SELPLG: variants seen among roughly 807,000 people sequenced by gnomAD.
SELPLG encodes the protein P-selectin glycoprotein ligand 1.
Under a neutral mutation model 1.1 loss-of-function variants are expected in SELPLG, and 2 were observed. That is an observed-to-expected ratio of 1.82 (90% CI 0.74 to 5.71). The LOEUF is 5.71. Among genes scored for constraint, SELPLG ranks in the 30% most tolerant of loss-of-function variants. SELPLG has a pLI of 0.05. For missense variants in SELPLG, 478 were observed against 524.7 expected (o/e 0.91, Z 0.87); for synonymous variants, 230 against 221.2 (o/e 1.04, Z -0.35).
chr12:108,627,341 G>C (rs1333350401), intron 1 of SELPLG, among the ~76,000 whole-genome samples: 1 of 152,180 alleles, frequency 6.6e-6, no homozygotes, highest in Non-Finnish European at 1.5e-5. Context: ...AGAAGGCTGG[G>C]CTTGTGGACT....
In SELPLG at chr12:108,622,952, C is replaced by T; in HGVS notation, c.*117G>A. On this transcript the variant is annotated 3_prime_UTR_variant, in exon 2 of 2. Coordinates refer to ENST00000550948, the MANE Select transcript of SELPLG (RefSeq NM_003006.4). ...GGCCAGAGTTCCTTCCCTGAAGATCCCCATCCCCAGGGGTCTCCGAGGAAG... is the reference window on the plus strand; with the variant it reads ...GGCCAGAGTTCCTTCCCTGAAGATCTCCATCCCCAGGGGTCTCCGAGGAAG... 1 of 1,121,536 alleles carries T rather than the reference C, an allele frequency of 8.9e-7. No homozygotes were observed. The highest frequency in any genetic ancestry group is 2.0e-5 in the South Asian group (1 of 50,550). The allele number at this position is 1,121,536 out of a possible 1,614,324, so 69.5% of individuals were successfully genotyped here.
At chr12:108,632,389 G>GGGGTGTGT (rs1011943938) in intron 1 of SELPLG, among the ~76,000 whole-genome samples, 5 of 144,614 alleles carry the variant, frequency 3.5e-5, no homozygotes, top group African/African-American at 1.3e-4. Flanking sequence ...GACAATATGG[G>GGGGTGTGT]GTGTGTGTGT....
intron 1 of SELPLG, chr12:108,631,881 A>G: frequency 6.5e-7 from 1 of 1,535,558 alleles, no homozygotes; most frequent in South Asian, 1.2e-5. Flanking sequence ...CTCCTTCTAG[A>G]CCACTGGCCC....
At chr12:108,627,772 C>T (rs2031963401) in intron 1 of SELPLG, among the ~76,000 whole-genome samples, 2 of 152,036 alleles carry the variant, frequency 1.3e-5, no homozygotes, top group Admixed American at 6.5e-5. Context: ...ATCCCCATCT[C>T]GACACAAATA....
chr12:108,624,231 T>G lies in SELPLG; in HGVS notation c.77A>C (p.Asp26Ala), dbSNP rs1228625334. 6.2e-7 allele frequency: 1 copy of G among 1,614,216 alleles called. No homozygotes were observed. The highest frequency in any genetic ancestry group is 1.1e-5 in the South Asian group (1 of 91,088). The change falls in exon 2 of 2, where the codon GAT (aspartate) becomes GCT (alanine). Residue 26 changes from aspartate (D) to alanine (A), a missense_variant. By Grantham distance (126) the Asp-to-Ala change is moderately radical. Coordinates refer to ENST00000550948, the MANE Select transcript of SELPLG (RefSeq NM_003006.4). ...NSLQLWDTWA[D>A]EAEKALGPLL... ...GGGACCCAAGGCTTTCTCGGCTTCA[T>G]CTGCCCAGGTGTCCCACAGCTGCAA...
chr12:108,622,839 G>A lies in SELPLG; in HGVS notation c.*230C>T. On this transcript the variant is annotated 3_prime_UTR_variant, in exon 2 of 2. Coordinates refer to ENST00000550948, the MANE Select transcript of SELPLG (RefSeq NM_003006.4). Reference sequence around the variant, plus strand: ...TCCTGCCTTGGACCTCGGCTGAAATGTGGCTGGGCTTCATCCGCGGAGGGA... The same window carrying A: ...TCCTGCCTTGGACCTCGGCTGAAATATGGCTGGGCTTCATCCGCGGAGGGA... 1 of 479,988 alleles carries A rather than the reference G, an allele frequency of 2.1e-6. No individual in the cohort carries two copies. Among genetic ancestry groups the A allele is most frequent in the Non-Finnish European group, 3.6e-6 (1 of 274,274 alleles). 29.7% of individuals were successfully genotyped at this position (479,988 alleles called of 1,614,324 possible).
chr12:108,623,228 G>A lies in SELPLG; in HGVS notation c.1080C>T (p.Thr360=), dbSNP rs762148970. The A allele has an allele frequency of 9.9e-6, 16 of 1,613,982 alleles. No homozygotes were observed. Among genetic ancestry groups the A allele is most frequent in the African/African-American group, 5.3e-5 (4 of 74,940 alleles). Residue 360 remains threonine (T), a synonymous_variant, in exon 2 of 2, where the codon ACC becomes ACT. Coordinates refer to ENST00000550948, the MANE Select transcript of SELPLG (RefSeq NM_003006.4). ...HMYPVRNYSP[T]EMVCISSLLP... ...ACAGGGATGAGATGCAGACCATCTC[G>A]GTGGGGGAGTAATTACGCACGGGGT... is the stretch of plus-strand genomic sequence containing the variant.
rs932785593 is a variant in SELPLG, at chr12:108,623,125, C to G, written c.1183G>C (p.Glu395Gln). The G allele has an allele frequency of 3.8e-6, 6 of 1,586,654 alleles. No homozygotes were observed. The highest frequency in any genetic ancestry group is 2.7e-5 in the African/African-American group (2 of 73,840). Residue 395 changes from glutamate to glutamine, a missense_variant, in exon 2 of 2, where the codon GAG (glutamate) becomes CAG (glutamine). By Grantham distance (29) the Glu-to-Gln change is conservative. Transcript: ENST00000550948. Reference protein sequence around the residue: ...SKAKSPGLTPEPREDREGDDL... With the variant: ...SKAKSPGLTPQPREDREGDDL... ...TCCCCCTCACGGTCCTCCCTGGGCT[C>G]TGGCGTCAGGCCCGGGCTCTTGGCC... is the stretch of plus-strand genomic sequence containing the variant.
chr12:108,630,239 A>AC (rs1411718504), intron 1 of SELPLG, among the ~76,000 whole-genome samples: 1 of 151,956 alleles, frequency 6.6e-6, no homozygotes, highest in African/African-American at 2.4e-5. Flanking sequence ...CCCCATCTAG[A>AC]CCCCATATGG....
intron 1 of SELPLG, among the ~76,000 whole-genome samples, chr12:108,629,807 A>G (rs993589395): frequency 1.7e-4 from 26 of 152,200 alleles, no homozygotes; most frequent in African/African-American, 6.3e-4. Context: ...GGAGGAGCTG[A>G]GTTTTCTCAC....
Position 108,623,881 on chromosome 12 carries a change from T to C in SELPLG, c.427A>G (p.Thr143Ala), listed in dbSNP as rs2031880825. The C allele has an allele frequency of 9.4e-7, 1 of 1,067,728 alleles. No homozygotes were observed. Among genetic ancestry groups the C allele is most frequent in the Admixed American group, 2.1e-5 (1 of 46,894 alleles). The allele number at this position is 1,067,728 out of a possible 1,614,324, so 66.1% of individuals were successfully genotyped here. The part of the protein sequence containing the change: ...TTQPVPTEAQ[T>A]TPLAATEAQT... ...GCCTCTGTGGCTGCCAGTGGAGTGG[T>C]CTGTGCCTCCGTGGGCACTGGTTGA... The change falls in exon 2 of 2, where the codon ACC (threonine) becomes GCC (alanine). Residue 143 changes from threonine to alanine, a missense_variant. Coordinates refer to ENST00000550948, the MANE Select transcript of SELPLG (RefSeq NM_003006.4).
chr12:108,631,978 C>CA (rs2032065365), intron 1 of SELPLG: 17 of 1,523,676 alleles, frequency 1.1e-5, no homozygotes, highest in Non-Finnish European at 1.5e-5. Flanking sequence ...ATCCTGCAGC[C>CA]AGAAGCCATG....
In SELPLG at chr12:108,624,271, C is replaced by T. The variant is rs754859419; in HGVS notation, c.37G>A (p.Gly13Ser). 6.2e-7 allele frequency: 1 copy of T among 1,614,064 alleles called. No homozygotes were observed. ...CACAGCTGCAAGCTGTTGCCAGGGCCCAGTAGGATCAGCAACAGGAGGAGT... is the reference window on the plus strand; with the variant it reads ...CACAGCTGCAAGCTGTTGCCAGGGCTCAGTAGGATCAGCAACAGGAGGAGT... Reference protein sequence around the residue: ...LQLLLLLILLGPGNSLQLWDT... With the variant: ...LQLLLLLILLSPGNSLQLWDT... The change falls in exon 2 of 2, where the codon GGC (glycine) becomes AGC (serine). Residue 13 changes from glycine (G) to serine (S), a missense_variant. By Grantham distance (56) the Gly-to-Ser change is moderately conservative (BLOSUM62 0). Coordinates refer to ENST00000550948, the MANE Select transcript of SELPLG (RefSeq NM_003006.4).
At position 108,623,969 on chromosome 12, in the gene SELPLG, G is replaced by A; in HGVS notation, c.339C>T (p.Ser113=). 2 of 1,614,194 alleles carry A rather than the reference G, an allele frequency of 1.2e-6. No individual in the cohort carries two copies. The highest frequency in any genetic ancestry group is 1.7e-6 in the Non-Finnish European group (2 of 1,180,036). ...TTELANMGNL[S]TDSAAMEIQT... The stretch of plus-strand genomic sequence containing the variant: ...GTATCTCCATAGCTGCTGAATCCGT[G>A]GACAGGTTCCCCATGTTGGCCAGCT... Residue 113 remains serine (S), a synonymous_variant, in exon 2 of 2, where the codon TCC becomes TCT. Transcript: ENST00000550948.
At chr12:108,632,762 T>C (rs1445855326) in intron 1 of SELPLG, among the ~76,000 whole-genome samples, 1 of 152,148 alleles carries the variant, frequency 6.6e-6, no homozygotes, top group Non-Finnish European at 1.5e-5. Flanking sequence ...GCCAACCACC[T>C]GCCTCGGCCT....
In SELPLG at chr12:108,624,119, C is replaced by T. The variant is rs1460707741; in HGVS notation, c.189G>A (p.Leu63=). The change falls in exon 2 of 2, where the codon CTG becomes CTA. Residue 63 remains leucine (L), a synonymous_variant. Transcript: ENST00000550948. ...GAGGAGTGGTGTCAGTGCTGTTCCT[C>T]AGCATTTCTGGAGGCTCCGTTTCTG... ...FLPETEPPEM[L]RNSTDTTPLT... The T allele has an allele frequency of 1.9e-6, 3 of 1,614,076 alleles. No individual in the cohort carries two copies. The highest frequency in any genetic ancestry group is 2.2e-5 in the East Asian group (1 of 44,892).
In SELPLG at chr12:108,622,143, A is replaced by G. The variant is rs754605140; in HGVS notation, c.*926T>C. 4.9e-4 allele frequency: 74 copies of G among 152,360 alleles called. No individual in the cohort carries two copies. Among genetic ancestry groups the G allele is most frequent in the Non-Finnish European group, 8.9e-4 (61 of 68,158 alleles). 9.4% of individuals were successfully genotyped at this position (152,360 alleles called of 1,614,324 possible). ...TGAAGTCAACCTAACAGCCCATGAA[A>G]GAGGCTTCCTGGGGGGCCAGGGGCT... On this transcript the variant is annotated 3_prime_UTR_variant, in exon 2 of 2. Coordinates refer to ENST00000550948, the MANE Select transcript of SELPLG (RefSeq NM_003006.4).
intron 1 of SELPLG, among the ~76,000 whole-genome samples, chr12:108,629,438 C>T (rs940163845): frequency 4.6e-5 from 7 of 152,214 alleles, no homozygotes; most frequent in East Asian, 1.9e-4. Flanking sequence ...CAGCCAGGCA[C>T]GGTGCCTCGA....
At chr12:108,626,184 G>A (rs1296708725) in intron 1 of SELPLG, among the ~76,000 whole-genome samples, 2 of 149,156 alleles carry the variant, frequency 1.3e-5, no homozygotes, top group African/African-American at 4.9e-5. Flanking sequence ...GCCCAGGATG[G>A]AGTGCAGTGG....
Sources: gnomAD v4.1 joint callset for allele counts (sites outside exome capture counted in the v4.1 genomes callset) on GRCh38, gnomAD v4.1.1 for gene constraint, MANE v1.5 for transcripts, NCBI Gene and HGNC (gene_info 2026-07-23, HGNC 2026-07-21) for gene names.